The following SRD5A1 variants were observed in gnomAD, a reference collection of about 807,000 sequenced individuals.
SRD5A1 encodes steroid 5 alpha-reductase 1, also known as 3-oxo-5-alpha-steroid 4-dehydrogenase 1.
SRD5A1 carries 22 observed loss-of-function variants against 28.2 expected under a neutral mutation model. The ratio of observed to expected loss-of-function variants is 0.78; its 90% confidence interval spans 0.56 to 1.12. The LOEUF (loss-of-function observed/expected upper bound fraction) is 1.12. SRD5A1 is among the 50% of genes most tolerant of loss of function. The pLI, the probability that SRD5A1 is intolerant of heterozygous loss-of-function variation, is 0.00. For missense variants in SRD5A1, 300 were observed against 346.7 expected, an observed-to-expected ratio of 0.87 and a Z score of 1.07; for synonymous variants, 151 against 135.0, an observed-to-expected ratio of 1.12 and a Z score of -0.82.
intron 1 of SRD5A1, among the ~76,000 whole-genome samples, chr5:6,636,452 A>G (rs753602901): frequency 2.6e-5 from 4 of 152,192 alleles, no homozygotes; most frequent in South Asian, 2.1e-4. Flanking sequence ...ACCACCTTAC[A>G]CAACCTGACA....
chr5:6,659,870 G>GT (rs774056592), intron 3 of SRD5A1, among the ~76,000 whole-genome samples: 3 of 152,238 alleles, frequency 2.0e-5, no homozygotes, highest in East Asian at 3.9e-4. Context: ...CTCCACCATG[G>GT]TCGGCTTTGT....
intron 1 of SRD5A1, among the ~76,000 whole-genome samples, chr5:6,637,412 C>G (rs1259995892): frequency 6.6e-6 from 1 of 152,160 alleles, no homozygotes; most frequent in Non-Finnish European, 1.5e-5. Context: ...TCTCTACCCT[C>G]GTTTGTAAAT....
chr5:6,663,387 C>A (rs1739069765), intron 4 of SRD5A1, among the ~76,000 whole-genome samples: 1 of 152,252 alleles, frequency 6.6e-6, no homozygotes, highest in Non-Finnish European at 1.5e-5. Flanking sequence ...AGAACTCATA[C>A]ACACAAGAGC....
intron 2 of SRD5A1, among the ~76,000 whole-genome samples, 169 bp from the exon 3 acceptor site, chr5:6,655,909 G>A (rs546963407): frequency 4.5e-4 from 69 of 152,312 alleles, no homozygotes; most frequent in African/African-American, 1.6e-3. Flanking sequence ...GCCCTGCTTG[G>A]CATACCTGAC....
intron 1 of SRD5A1, among the ~76,000 whole-genome samples, chr5:6,639,815 GTA>G (rs1738308425): frequency 1.3e-5 from 2 of 152,202 alleles, no homozygotes; most frequent in Non-Finnish European, 2.9e-5. Context: ...CATGCTTGTT[GTA>G]GAAAACTTAG....
chr5:6,642,659 T>C (rs1196360429), intron 1 of SRD5A1, among the ~76,000 whole-genome samples: 8 of 152,234 alleles, frequency 5.3e-5, no homozygotes, highest in Admixed American at 5.2e-4. Flanking sequence ...AAGTGCTGTT[T>C]TGCCTTGCAG....
chr5:6,656,184 G>A lies in SRD5A1; in HGVS notation c.562+5G>A, dbSNP rs759794455. 61 of 1,606,816 alleles carry A rather than the reference G, an allele frequency of 3.8e-5. No homozygotes were observed. Among genetic ancestry groups the A allele is most frequent in the Middle Eastern group, 1.6e-4 (1 of 6,082 alleles). On this transcript the variant is annotated splice_donor_5th_base_variant and intron_variant, in intron 3 of 4. Transcript: ENST00000274192. ...CTGGATACAAAATACCAAGGGGTAC[G>A]TACAGAAAGTGAAGAATTTCTGTGA...
chr5:6,643,555 G>A (rs1738423465), intron 1 of SRD5A1, among the ~76,000 whole-genome samples: 1 of 151,982 alleles, frequency 6.6e-6, no homozygotes, highest in Non-Finnish European at 1.5e-5. Context: ...CTCCCGAAGT[G>A]CTGGGATTAC....
At chr5:6,655,891 A>T (rs540155039) in intron 2 of SRD5A1, among the ~76,000 whole-genome samples, 187 bp from the exon 3 acceptor site, 15 of 152,220 alleles carry the variant, frequency 9.9e-5, no homozygotes, top group African/African-American at 3.6e-4. Context: ...TATTATTAGG[A>T]AAACAAAGCC....
At chr5:6,660,238 A>C (rs375786195) in intron 3 of SRD5A1, among the ~76,000 whole-genome samples, 2 of 152,340 alleles carry the variant, frequency 1.3e-5, no homozygotes, top group East Asian at 1.9e-4. Context: ...ATTTTTTAGC[A>C]GATTGGCATC....
At chr5:6,659,365 G>A (rs988727973) in intron 3 of SRD5A1, among the ~76,000 whole-genome samples, 23 of 151,936 alleles carry the variant, frequency 1.5e-4, no homozygotes, top group African/African-American at 5.3e-4. Context: ...CGCCCACCTT[G>A]GCCTCCCAAA....
rs1193914332 is a variant in SRD5A1, at chr5:6,669,063, G to C, written c.*795G>C. On this transcript the variant is annotated 3_prime_UTR_variant, in exon 5 of 5. Transcript: ENST00000274192. ...TGACATGGTTTCTCTCTGTCTTCTA[G>C]TCTAGACCTAGTTTTTTTGTTCTGT... is the stretch of plus-strand genomic sequence containing the variant. 1 of 152,224 alleles carries C rather than the reference G, an allele frequency of 6.6e-6. No homozygotes were observed. Among genetic ancestry groups the C allele is most frequent in the Non-Finnish European group, 1.5e-5 (1 of 68,038 alleles). 9.4% of individuals were successfully genotyped at this position (152,224 alleles called of 1,614,324 possible).
intron 1 of SRD5A1, among the ~76,000 whole-genome samples, chr5:6,646,379 C>G (rs1738512048): frequency 6.6e-6 from 1 of 152,144 alleles, no homozygotes; most frequent in Non-Finnish European, 1.5e-5. Context: ...ATTGCTGGGG[C>G]AAATGGTATT....
rs3297 is a variant in SRD5A1 at position 6,668,729 on chromosome 5, C to T, written c.*461C>T. ...TCTAGGAGCCCTCTCTCGGAGGCCA[C>T]AGAGGCTGGGGGTAGCCATTGTGCA... On this transcript the variant is annotated 3_prime_UTR_variant, in exon 5 of 5. Coordinates refer to ENST00000274192, the MANE Select transcript of SRD5A1 (RefSeq NM_001047.4). The T allele has an allele frequency of 0.49, 74,649 of 152,722 alleles. 19,152 individuals carry two copies. The highest frequency in any genetic ancestry group is 0.64 in the African/African-American group (26,499 of 41,498). The allele number at this position is 152,722 out of a possible 1,614,324, so 9.5% of individuals were successfully genotyped here.
At chr5:6,634,748 T>A (rs508491) in intron 1 of SRD5A1, among the ~76,000 whole-genome samples, 25,645 of 152,256 alleles carry the variant, frequency 0.17, 2,373 homozygotes, top group East Asian at 0.23. Flanking sequence ...GTTTTTGTTT[T>A]TTTGAATATT....
intron 1 of SRD5A1, among the ~76,000 whole-genome samples, chr5:6,649,164 C>T (rs765511719): frequency 6.6e-6 from 1 of 152,210 alleles, no homozygotes; most frequent in African/African-American, 2.4e-5. Flanking sequence ...CTGTCGGCCC[C>T]TACTGGGAGG....
intron 1 of SRD5A1, among the ~76,000 whole-genome samples, chr5:6,642,320 G>A (rs749963546): frequency 2.6e-5 from 4 of 152,134 alleles, no homozygotes; most frequent in Non-Finnish European, 4.4e-5. Flanking sequence ...ATCATCACTT[G>A]GAAGGCACTC....
chr5:6,647,863 C>G (rs138897999), intron 1 of SRD5A1, among the ~76,000 whole-genome samples: 13 of 152,274 alleles, frequency 8.5e-5, no homozygotes, highest in African/African-American at 3.1e-4. Context: ...TTCATAGTGT[C>G]AATGATCTTT....
intron 3 of SRD5A1, among the ~76,000 whole-genome samples, chr5:6,658,472 A>C (rs1256408254): frequency 1.3e-5 from 2 of 152,240 alleles, no homozygotes; most frequent in Non-Finnish European, 2.9e-5. Context: ...TCCCCACAGC[A>C]TGTAGCCGCC....
Sources: allele counts gnomAD v4.1 joint callset (sites outside exome capture counted in the v4.1 genomes callset), GRCh38; gene constraint gnomAD v4.1.1; transcripts MANE v1.5; gene names NCBI Gene and HGNC (gene_info 2026-07-23, HGNC 2026-07-21).